ADAM12: variants seen among roughly 807,000 people sequenced by gnomAD.
ADAM12 encodes the protein ADAM metallopeptidase domain 12.
ADAM12 carries 70 observed loss-of-function variants against 106.4 expected under a neutral mutation model. The observed-to-expected ratio is 0.66, with a 90% confidence interval of 0.54 to 0.80. The LOEUF (loss-of-function observed/expected upper bound fraction) is 0.80, where lower values mean the gene tolerates loss of function less well. Among genes scored for constraint, ADAM12 ranks in the 30% least tolerant of loss-of-function variants. The probability of loss-of-function intolerance (pLI) is 0.00; values close to 1 mark genes in which losing one functional copy is unlikely to be tolerated. For missense variants in ADAM12, 1,010 were observed against 1,171.9 expected (o/e 0.86, Z 2.02); for synonymous variants, 420 against 433.5 (o/e 0.97, Z 0.39).
At chr10:126,165,180 T>G (rs1040480974) in intron 3 of ADAM12, among the ~76,000 whole-genome samples, 5 of 152,264 alleles carry the variant, frequency 3.3e-5, no homozygotes, top group South Asian at 2.1e-4. Context: ...ATTCACTTTT[T>G]TTTTTGAGAC....
intron 1 of ADAM12, among the ~76,000 whole-genome samples, chr10:126,337,411 A>G (rs1854741690): frequency 6.6e-6 from 1 of 152,164 alleles, no homozygotes; most frequent in African/African-American, 2.4e-5. Flanking sequence ...CCCAGAGTCC[A>G]AAGGTCAAAG....
intron 3 of ADAM12, among the ~76,000 whole-genome samples, chr10:126,267,375 T>G (rs2133725455): frequency 6.6e-6 from 1 of 152,318 alleles, no homozygotes; most frequent in South Asian, 2.1e-4. Context: ...TTATTTCTAT[T>G]ATTACATTGT....
intron 1 of ADAM12, among the ~76,000 whole-genome samples, chr10:126,380,147 A>G (rs186705016): frequency 1.2e-4 from 19 of 152,310 alleles, no homozygotes; most frequent in Non-Finnish European, 1.8e-4. Flanking sequence ...CGGCTTTTCC[A>G]TCCCATCTAT....
At chr10:126,278,869 G>T in intron 3 of ADAM12, 46 bp downstream of exon 3, 1 of 1,417,678 alleles carries the variant, frequency 7.1e-7, no homozygotes, top group Non-Finnish European at 9.8e-7. Flanking sequence ...TCTGTCCATG[G>T]TGTCTTAACT....
At chr10:126,026,515 G>A (rs375979071) in intron 21 of ADAM12, among the ~76,000 whole-genome samples, 7 of 152,170 alleles carry the variant, frequency 4.6e-5, no homozygotes, top group Admixed American at 2.0e-4. Flanking sequence ...AATTGATCAC[G>A]TAATCAGAAG....
At chr10:126,268,217 T>C (rs1043427146) in intron 3 of ADAM12, among the ~76,000 whole-genome samples, 2 of 152,342 alleles carry the variant, frequency 1.3e-5, no homozygotes, top group East Asian at 3.9e-4. Flanking sequence ...CTCATGTAAA[T>C]AGAATCGCAT....
chr10:126,246,257 G>T (rs866161149), intron 3 of ADAM12, among the ~76,000 whole-genome samples: 1 of 152,252 alleles, frequency 6.6e-6, no homozygotes, highest in African/African-American at 2.4e-5. Context: ...ATTGATCTGT[G>T]GATGTAAAGT....
chr10:126,049,792 C>A lies in ADAM12; in HGVS notation c.1610-123G>T. 1.2e-6 allele frequency: 1 copy of A among 867,928 alleles called. No homozygotes were observed. Among genetic ancestry groups the A allele is most frequent in the Admixed American group, 2.5e-5 (1 of 39,290 alleles). 53.8% of individuals were successfully genotyped at this position (867,928 alleles called of 1,614,324 possible). A position where few individuals can be genotyped will look rare whatever the true frequency, so the allele number is the denominator to read the frequency against. On this transcript the variant is annotated intron_variant, in intron 14 of 22. Transcript: ENST00000448723. This position sits in a 1 kb window ranked among gnomAD's most constrained non-coding sequence, Gnocchi z 4.4. ...AAGCAATCACACCCAGTGTCTGTCCCGACTCATGGTGGGAGCTGGCCAGGG... is the reference window on the plus strand; with the variant it reads ...AAGCAATCACACCCAGTGTCTGTCCAGACTCATGGTGGGAGCTGGCCAGGG...
At chr10:126,194,222 C>A (rs577558139) in intron 3 of ADAM12, among the ~76,000 whole-genome samples, 1 of 150,252 alleles carries the variant, frequency 6.7e-6, no homozygotes, top group East Asian at 2.0e-4. Flanking sequence ...AACTAAATAT[C>A]CTCGGTGCTT....
rs1953690355 is a variant in ADAM12 at position 126,017,925 on chromosome 10, CTCATTGTTT to C, written c.2661-595_2661-587del. ...GGGCATTTAAGAAAAAGGGCTTCCC[CTCATTGTTT>C]TCATGTAAAGTAGTGTTTCTTCCTC... On this transcript the variant is annotated intron_variant, in intron 22 of 22. Coordinates refer to ENST00000448723, the MANE Select transcript of ADAM12 (RefSeq NM_001288973.2). Among the ~76,000 whole-genome samples, 3 of 152,186 alleles carry C rather than the reference CTCATTGTTT, an allele frequency of 2.0e-5. No homozygotes were observed. The South Asian group carries it at 6.2e-4, about 32-fold the overall frequency.
intron 4 of ADAM12, among the ~76,000 whole-genome samples, chr10:126,153,433 C>T (rs1297674533): frequency 6.6e-6 from 1 of 152,182 alleles, no homozygotes; most frequent in Non-Finnish European, 1.5e-5. Flanking sequence ...CCTCAAGACT[C>T]ATGTCTTTCC....
chr10:126,051,753 T>A (rs1954509528), intron 14 of ADAM12, among the ~76,000 whole-genome samples: 1 of 152,172 alleles, frequency 6.6e-6, no homozygotes. Context: ...TTCCAGACAT[T>A]GGGAGTATAA....
At chr10:126,263,554 G>A (rs1360685738) in intron 3 of ADAM12, among the ~76,000 whole-genome samples, 1 of 151,586 alleles carries the variant, frequency 6.6e-6, no homozygotes, top group African/African-American at 2.4e-5. Context: ...TATTCAATAT[G>A]AACTAGAACT....
intron 5 of ADAM12, among the ~76,000 whole-genome samples, chr10:126,121,111 G>GTA (rs59824710): frequency 4.2e-5 from 1 of 23,786 alleles, no homozygotes; most frequent in African/African-American, 1.3e-4. Context: ...ATTATATATA[G>GTA]TATATATATA....
intron 3 of ADAM12, among the ~76,000 whole-genome samples, chr10:126,196,004 T>C (rs1024792487): frequency 6.6e-6 from 1 of 152,232 alleles, no homozygotes; most frequent in Non-Finnish European, 1.5e-5. Context: ...CTGTTTCTTA[T>C]AAAGTTTTAT....
At chr10:126,172,583 A>G (rs950329436) in intron 3 of ADAM12, among the ~76,000 whole-genome samples, 5 of 152,228 alleles carry the variant, frequency 3.3e-5, no homozygotes, top group South Asian at 2.1e-4. Context: ...TTAGAATGGC[A>G]ATCATTAAAA....
At chr10:126,331,875 G>A (rs750081882) in intron 1 of ADAM12, among the ~76,000 whole-genome samples, 3 of 152,148 alleles carry the variant, frequency 2.0e-5, no homozygotes, top group African/African-American at 7.2e-5. Flanking sequence ...TGTGACACCC[G>A]TGAACGGCTG....
chr10:126,222,580 A>G (rs1236262254), intron 3 of ADAM12, among the ~76,000 whole-genome samples: 1 of 151,510 alleles, frequency 6.6e-6, no homozygotes, highest in Non-Finnish European at 1.5e-5. Flanking sequence ...CTGGTATACA[A>G]CAGACTCACT....
At chr10:126,386,990 A>C (rs564670159) in intron 1 of ADAM12, among the ~76,000 whole-genome samples, 1 of 152,360 alleles carries the variant, frequency 6.6e-6, no homozygotes, top group African/African-American at 2.4e-5. Context: ...TTTTAGCCAC[A>C]TTACAGTAGA....
Sources: allele counts gnomAD v4.1 joint callset (sites outside exome capture counted in the v4.1 genomes callset), GRCh38; gene constraint gnomAD v4.1.1; non-coding constraint Gnocchi (gnomAD v3.1); transcripts MANE v1.5; gene names NCBI Gene and HGNC (gene_info 2026-07-23, HGNC 2026-07-21).